The following HS6ST1 variants were observed in gnomAD, a reference collection of about 807,000 sequenced individuals.
HS6ST1 encodes heparan-sulfate 6-O-sulfotransferase 1.
A neutral mutation model predicts 25.2 loss-of-function variants in HS6ST1; 3 were observed. That is an observed-to-expected ratio of 0.12 (90% CI 0.05 to 0.31). The LOEUF (loss-of-function observed/expected upper bound fraction) is 0.31, where lower values mean the gene tolerates loss of function less well. Ranked by LOEUF, HS6ST1 falls within the 10% of genes least tolerant of loss-of-function variation. HS6ST1 has a pLI of 1.00. For synonymous variants in HS6ST1, 204 were observed against 275.1 expected, an observed-to-expected ratio of 0.74 and a Z score of 2.56; for missense variants, 310 against 609.6, an observed-to-expected ratio of 0.51 and a Z score of 5.18.
chr2:128,309,340 T>C (rs951115872), intron 1 of HS6ST1, among the ~76,000 whole-genome samples: 1 of 152,238 alleles, frequency 6.6e-6, no homozygotes, highest in African/African-American at 2.4e-5. Flanking sequence ...CAGGCAGGAA[T>C]GGGGCCAGAG....
intron 1 of HS6ST1, among the ~76,000 whole-genome samples, chr2:128,271,043 T>C (rs1461871362): frequency 2.0e-5 from 3 of 152,194 alleles, no homozygotes; most frequent in African/African-American, 7.2e-5. Flanking sequence ...GCCCAAGGCA[T>C]GCCTCCATCA....
intron 1 of HS6ST1, among the ~76,000 whole-genome samples, chr2:128,307,084 C>T (rs1046023112): frequency 6.6e-5 from 10 of 152,074 alleles, no homozygotes; most frequent in Admixed American, 1.3e-4. Context: ...TGGTTTTAGG[C>T]GGTTTTAGTT....
chr2:128,272,111 G>A (rs913649781), intron 1 of HS6ST1, among the ~76,000 whole-genome samples: 18 of 152,322 alleles, frequency 1.2e-4, no homozygotes, highest in East Asian at 1.9e-4. Flanking sequence ...CCCTGGCAGC[G>A]ACGTTTCTGA....
Position 128,318,336 on chromosome 2 carries a change from C to G in HS6ST1, c.228G>C (p.Glu76Asp), listed in dbSNP as rs1333054498. ...CCTTCATGTCGAAGCGCAGCGAGCGCTCCAGCTCGCGGACCGGGAAGTAGT... is the reference window on the plus strand; with the variant it reads ...CCTTCATGTCGAAGCGCAGCGAGCGGTCCAGCTCGCGGACCGGGAAGTAGT... Reference protein sequence around the residue: ...KKYYFPVRELERSLRFDMKGD... With the variant: ...KKYYFPVRELDRSLRFDMKGD... The change falls in exon 1 of 2, where the codon GAG becomes GAC. Residue 76 changes from glutamate (E) to aspartate (D), a missense_variant. By Grantham distance (45) the Glu-to-Asp change is conservative. Around this residue, in one of 5 missense-constraint regions of HS6ST1, gnomAD observed 9 missense variants for 27.4 expected, o/e 0.33. Coordinates refer to ENST00000259241, the MANE Select transcript of HS6ST1 (RefSeq NM_004807.3). The surrounding 1 kb of genome is among the most constrained non-coding windows in gnomAD (Gnocchi z 5.7). The G allele has an allele frequency of 6.2e-7, 1 of 1,611,946 alleles. No individual in the cohort carries two copies. Among genetic ancestry groups the G allele is most frequent in the African/African-American group, 1.3e-5 (1 of 74,770 alleles).
intron 1 of HS6ST1, among the ~76,000 whole-genome samples, chr2:128,306,131 G>C (rs771589138): frequency 1.3e-5 from 2 of 152,216 alleles, no homozygotes; most frequent in Non-Finnish European, 2.9e-5. Context: ...AGTGAGGCCT[G>C]AATGAGACTG....
chr2:128,283,443 T>C (rs993305203), intron 1 of HS6ST1, among the ~76,000 whole-genome samples: 5 of 152,272 alleles, frequency 3.3e-5, no homozygotes, highest in East Asian at 1.9e-4. Flanking sequence ...GCAGAGGACA[T>C]AGTGGTTTAG....
rs993663713 is a variant in HS6ST1, at chr2:128,270,283, C to T, written c.528-1413G>A. ...GAAGGACCCAGCAGGACTGAGCTGA[C>T]GACCCCAGGGTCAGGCACGGCTGGT... On this transcript the variant is annotated intron_variant, in intron 1 of 1. Coordinates refer to ENST00000259241, the MANE Select transcript of HS6ST1 (RefSeq NM_004807.3). Among the ~76,000 whole-genome samples the T allele has an allele frequency of 2.6e-5, 4 of 152,182 alleles. 1 individual carries two copies. The highest frequency in any genetic ancestry group is 9.7e-5 in the African/African-American group (4 of 41,450).
At position 128,268,731 on chromosome 2, in the gene HS6ST1, G is replaced by A. The variant is rs765246934; in HGVS notation, c.667C>T (p.Pro223Ser). The A allele has an allele frequency of 6.2e-7, 1 of 1,612,632 alleles. No homozygotes were observed. The highest frequency in any genetic ancestry group is 8.5e-7 in the Non-Finnish European group (1 of 1,179,912). Residue 223 changes from proline (P) to serine (S), a missense_variant, in exon 2 of 2, where the codon CCC (proline) becomes TCC (serine). Coordinates refer to ENST00000259241, the MANE Select transcript of HS6ST1 (RefSeq NM_004807.3). ...GRTPTPEELPPCYEGTDWSGC... is the reference protein window; with the variant it reads ...GRTPTPEELPSCYEGTDWSGC... The stretch of plus-strand genomic sequence containing the variant: ...GACCAGTCCGTGCCCTCGTAGCAGG[G>A]CGGCAGCTCCTCAGGCGTGGGCGTG...
rs1380770244 is a variant in HS6ST1 at position 128,318,480 on chromosome 2, G to T, written c.84C>A (p.Phe28Leu). 6.4e-7 allele frequency: 1 copy of T among 1,559,166 alleles called. No individual in the cohort carries two copies. The highest frequency in any genetic ancestry group is 8.6e-7 in the Non-Finnish European group (1 of 1,156,380). ...CCGCGTACTGGTACAAGATGAGCATGAAGCACACCGAGCCCGCCACCACCA... is the reference window on the plus strand; with the variant it reads ...CCGCGTACTGGTACAAGATGAGCATTAAGCACACCGAGCCCGCCACCACCA... ...FVLVVAGSVC[F>L]MLILYQYAGP... is the part of the protein sequence containing the mutation. The change falls in exon 1 of 2, where the codon TTC becomes TTA. Residue 28 changes from phenylalanine (F) to leucine (L), a missense_variant. Coordinates refer to ENST00000259241, the MANE Select transcript of HS6ST1 (RefSeq NM_004807.3). The surrounding 1 kb of genome is among the most constrained non-coding windows in gnomAD (Gnocchi z 5.7).
At chr2:128,305,578 G>A (rs1694197109) in intron 1 of HS6ST1, among the ~76,000 whole-genome samples, 1 of 152,242 alleles carries the variant, frequency 6.6e-6, no homozygotes, top group Non-Finnish European at 1.5e-5. Flanking sequence ...GGCTGGCTGA[G>A]GCCCTTGTTC....
chr2:128,306,266 C>T (rs1037452235), intron 1 of HS6ST1, among the ~76,000 whole-genome samples: 5 of 152,186 alleles, frequency 3.3e-5, no homozygotes, highest in African/African-American at 1.2e-4. Flanking sequence ...CCTGGCTTTC[C>T]CTCCATCAAC....
At chr2:128,288,982 G>T (rs894541151) in intron 1 of HS6ST1, among the ~76,000 whole-genome samples, 1 of 152,172 alleles carries the variant, frequency 6.6e-6, no homozygotes, top group Middle Eastern at 3.2e-3. Flanking sequence ...TCTCTGCAGC[G>T]AAGAGGGGCT....
chr2:128,271,520 C>G (rs746596232), intron 1 of HS6ST1, among the ~76,000 whole-genome samples: 11 of 152,210 alleles, frequency 7.2e-5, no homozygotes, highest in Non-Finnish European at 1.5e-4. Context: ...GGCTCCTCAG[C>G]TCTGGGGGTG....
chr2:128,312,163 C>A (rs1183618081), intron 1 of HS6ST1, among the ~76,000 whole-genome samples: 1 of 152,214 alleles, frequency 6.6e-6, no homozygotes, highest in Non-Finnish European at 1.5e-5. Flanking sequence ...GCGGCAATCG[C>A]CCCCACCTGC....
intron 1 of HS6ST1, among the ~76,000 whole-genome samples, chr2:128,292,230 G>A (rs573724902): frequency 6.6e-6 from 1 of 152,212 alleles, no homozygotes; most frequent in African/African-American, 2.4e-5. Context: ...GATCCCCAGA[G>A]GGTCCATGCC....
At chr2:128,311,370 G>C (rs1396841512) in intron 1 of HS6ST1, among the ~76,000 whole-genome samples, 2 of 152,204 alleles carry the variant, frequency 1.3e-5, no homozygotes, top group African/African-American at 2.4e-5. Context: ...TGCTGGCAGG[G>C]GATGGCCCGA....
In HS6ST1 at chr2:128,283,064, C is replaced by T. The variant is rs114689242; in HGVS notation, c.528-14194G>A. On this transcript the variant is annotated intron_variant, in intron 1 of 1. Transcript: ENST00000259241. The stretch of plus-strand genomic sequence containing the variant: ...TCTCCAGCAAATAAAAACAGCTGTC[C>T]TATCAGATCCAAGCACCTGGCTCCA... 2.4e-3 allele frequency among the ~76,000 whole-genome samples: 371 copies of T among 152,312 alleles called. 1 individual carries two copies. Among genetic ancestry groups the T allele is most frequent in the African/African-American group, 8.3e-3 (347 of 41,560 alleles).
chr2:128,269,217 G>C (rs1023706381), intron 1 of HS6ST1, among the ~76,000 whole-genome samples: 2 of 152,208 alleles, frequency 1.3e-5, no homozygotes, highest in African/African-American at 4.8e-5. Flanking sequence ...GTCTTCACCA[G>C]CTGTTTACAG....
intron 1 of HS6ST1, among the ~76,000 whole-genome samples, chr2:128,286,515 C>G (rs752035586): frequency 1.3e-5 from 2 of 152,174 alleles, no homozygotes; most frequent in African/African-American, 4.8e-5. Flanking sequence ...CCGGGCAGGG[C>G]CCCTGGGAGC....
Sources: allele counts gnomAD v4.1 joint callset (sites outside exome capture counted in the v4.1 genomes callset), GRCh38; gene constraint gnomAD v4.1.1; regional missense constraint gnomAD v4.1.1; non-coding constraint Gnocchi (gnomAD v3.1); transcripts MANE v1.5; gene names NCBI Gene and HGNC (gene_info 2026-07-23, HGNC 2026-07-21).